Variants in ZFHX3 observed in about 807,000 individuals in gnomAD.
ZFHX3 encodes the protein zinc finger homeobox protein 3.
A neutral mutation model predicts 279.1 loss-of-function variants in ZFHX3; 42 were observed. The ratio of observed to expected loss-of-function variants is 0.15; its 90% CI spans 0.12 to 0.19. The LOEUF (loss-of-function observed/expected upper bound fraction) is 0.19. ZFHX3 is among the 10% of genes least tolerant of loss of function. The pLI is 1.00. For missense variants in ZFHX3, 4,981 were observed against 4,754.0 expected (o/e 1.05, Z -1.40); for synonymous variants, 2,293 against 1,957.8 (o/e 1.17, Z -4.52).
rs760991757 is a variant in ZFHX3 at position 72,788,178 on chromosome 16, T to G, written c.10098A>C (p.Gln3366His). ...SPGSLLQQYQ[Q>H]YQQSLQEAIQ... ...TTGCCTCCTGCAGACTCTGCTGGTATTGCTGGTACTGCTGCAGTAGGGAGC... is the reference window on the plus strand; with the variant it reads ...TTGCCTCCTGCAGACTCTGCTGGTAGTGCTGGTACTGCTGCAGTAGGGAGC... Residue 3366 changes from glutamine to histidine, a missense_variant, in exon 10 of 10, where the codon CAA (glutamine) becomes CAC (histidine). Physicochemically the swap from Gln to His is conservative, Grantham distance 24. Transcript: ENST00000268489. 1 of 1,612,102 alleles carries G rather than the reference T, an allele frequency of 6.2e-7. No homozygotes were observed. The highest frequency in any genetic ancestry group is 1.1e-5 in the South Asian group (1 of 90,930).
intron 2 of ZFHX3, among the ~76,000 whole-genome samples, chr16:73,549,981 T>A (rs1287033973): frequency 6.6e-6 from 1 of 152,098 alleles, no homozygotes; most frequent in Non-Finnish European, 1.5e-5. Flanking sequence ...AGACTCTATG[T>A]TTAGATAAAA....
chr16:73,313,589 C>A (rs550783533), intron 4 of ZFHX3, among the ~76,000 whole-genome samples: 32 of 152,150 alleles, frequency 2.1e-4, no homozygotes, highest in Non-Finnish European at 3.8e-4. Context: ...ATGAGCGATA[C>A]ACCTGGGTTT....
intron 1 of ZFHX3, among the ~76,000 whole-genome samples, chr16:73,681,454 G>A (rs2053008741): frequency 6.6e-6 from 1 of 152,168 alleles, no homozygotes; most frequent in South Asian, 2.1e-4. Context: ...GGAAGATTAC[G>A]ATGAGAAAGG....
chr16:72,811,823 A>ACC, intron 6 of ZFHX3, 46 bp from the exon 7 acceptor site: 3 of 1,596,114 alleles, frequency 1.9e-6, no homozygotes, highest in Non-Finnish European at 2.6e-6. Context: ...GTGTGCCCCA[A>ACC]GCCCGCCCAC....
intron 2 of ZFHX3, among the ~76,000 whole-genome samples, chr16:73,475,517 A>C (rs916113574): frequency 6.6e-6 from 1 of 152,112 alleles, no homozygotes; most frequent in African/African-American, 2.4e-5. Flanking sequence ...TTATTTTTTA[A>C]TCTTTTTTTC....
chr16:73,125,676 A>G (rs910885175), intron 7 of ZFHX3, among the ~76,000 whole-genome samples: 1 of 152,024 alleles, frequency 6.6e-6, no homozygotes, highest in African/African-American at 2.4e-5. Context: ...TGGACTCCAA[A>G]TTCTTCAGTT....
intron 4 of ZFHX3, among the ~76,000 whole-genome samples, chr16:72,880,785 G>T: frequency 6.6e-6 from 1 of 151,996 alleles, no homozygotes; most frequent in East Asian, 1.9e-4. Context: ...ATACACAAAA[G>T]GTCTCAAGAT....
intron 3 of ZFHX3, among the ~76,000 whole-genome samples, chr16:73,373,152 G>T (rs973134069): frequency 2.1e-5 from 3 of 143,878 alleles, no homozygotes; most frequent in Non-Finnish European, 4.6e-5. Flanking sequence ...TGGGGGGGGG[G>T]TGGTTCCAAA....
chr16:73,407,520 G>A (rs1239307868), intron 3 of ZFHX3, among the ~76,000 whole-genome samples: 2 of 152,146 alleles, frequency 1.3e-5, no homozygotes, highest in African/African-American at 4.8e-5. Flanking sequence ...AGAAATGGAG[G>A]TACAGTACAG....
chr16:73,634,866 C>T (rs931452347), intron 2 of ZFHX3, among the ~76,000 whole-genome samples: 2 of 152,048 alleles, frequency 1.3e-5, no homozygotes, highest in South Asian at 4.2e-4. Flanking sequence ...TAACTATTAA[C>T]TGAAAAGAGA....
intron 1 of ZFHX3, among the ~76,000 whole-genome samples, chr16:73,042,352 G>A (rs1187163330): frequency 1.3e-5 from 2 of 152,160 alleles, no homozygotes; most frequent in Admixed American, 6.5e-5. Flanking sequence ...CAGAGCCTAT[G>A]ATAGAAATGG....
intron 2 of ZFHX3, among the ~76,000 whole-genome samples, chr16:73,535,912 C>A (rs146826414): frequency 2.6e-5 from 4 of 151,802 alleles, no homozygotes; most frequent in Non-Finnish European, 4.4e-5. Context: ...TTAGTAGAGA[C>A]GGGGTTTCAC....
chr16:73,277,047 G>A (rs1361669470), intron 4 of ZFHX3, among the ~76,000 whole-genome samples: 3 of 152,162 alleles, frequency 2.0e-5, no homozygotes, highest in African/African-American at 4.8e-5. Flanking sequence ...GCATTTTTGG[G>A]TATCCTGAGT....
intron 5 of ZFHX3, among the ~76,000 whole-genome samples, chr16:73,149,648 A>G (rs1966893171): frequency 6.6e-6 from 1 of 152,060 alleles, no homozygotes; most frequent in Admixed American, 6.6e-5. Flanking sequence ...ACAACTTCCT[A>G]CTACTCCGTC....
intron 1 of ZFHX3, among the ~76,000 whole-genome samples, chr16:73,759,941 G>C (rs1182029307): frequency 6.8e-6 from 1 of 147,184 alleles, no homozygotes; most frequent in Non-Finnish European, 1.5e-5. Context: ...AAATAACCAA[G>C]ATCAGAGGGG....
chr16:73,366,260 G>A (rs2016526272), intron 3 of ZFHX3, among the ~76,000 whole-genome samples: 1 of 152,144 alleles, frequency 6.6e-6, no homozygotes, highest in African/African-American at 2.4e-5. Flanking sequence ...GAGAACTTAG[G>A]AAAATTCTGA....
At chr16:72,828,447 C>A (rs939616964) in intron 5 of ZFHX3, among the ~76,000 whole-genome samples, 9 of 152,206 alleles carry the variant, frequency 5.9e-5, no homozygotes, top group East Asian at 1.9e-4. Flanking sequence ...AATGGCCGTT[C>A]TCCTTCTCTC....
At chr16:73,251,103 C>T (rs544091553) in intron 5 of ZFHX3, among the ~76,000 whole-genome samples, 2 of 152,232 alleles carry the variant, frequency 1.3e-5, no homozygotes, top group African/African-American at 4.8e-5. Flanking sequence ...CATTAAACTA[C>T]GGGCAGTTAA....
At chr16:73,124,213 T>G (rs1278282753) in intron 7 of ZFHX3, among the ~76,000 whole-genome samples, 1 of 152,122 alleles carries the variant, frequency 6.6e-6, no homozygotes, top group Non-Finnish European at 1.5e-5. Flanking sequence ...CAGAAATATA[T>G]TTGTCCCAGT....
Sources: allele counts gnomAD v4.1 joint callset (sites outside exome capture counted in the v4.1 genomes callset), GRCh38; gene constraint gnomAD v4.1.1; transcripts MANE v1.5; gene names NCBI Gene and HGNC (gene_info 2026-07-23, HGNC 2026-07-21).